The following ENTREP2 variants were observed in gnomAD, a reference collection of about 807,000 sequenced individuals.
The protein encoded by ENTREP2 is endosomal transmembrane epsin interactor 2, also known as protein ENTREP2.
At chr15:29,178,866 G>A in the ENTREP2 span, among the ~76,000 whole-genome samples, 1 of 152,172 alleles carries the variant, frequency 6.6e-6, no homozygotes, top group African/African-American at 2.4e-5. Context: ...GAAAGGTCTT[G>A]TTGAAATTAA....
chr15:29,672,150 C>T, the ENTREP2 span, among the ~76,000 whole-genome samples: 9 of 152,092 alleles, frequency 5.9e-5, no homozygotes, highest in Non-Finnish European at 1.3e-4. Flanking sequence ...CCATACCCGG[C>T]TAATTTTTTT....
the ENTREP2 span, among the ~76,000 whole-genome samples, chr15:29,557,987 A>C: frequency 6.6e-6 from 1 of 152,208 alleles, no homozygotes; most frequent in Non-Finnish European, 1.5e-5. Context: ...TATGGTTTGG[A>C]AACAGCAATA....
chr15:29,235,986 A>C, the ENTREP2 span, among the ~76,000 whole-genome samples: 22 of 56,504 alleles, frequency 3.9e-4, no homozygotes, highest in African/African-American at 6.3e-4. Context: ...CAAAACAAAA[A>C]AAAACCCAAA....
At chr15:29,590,683 C>CAAAAAAAAAAAAAAAAAAAA in the ENTREP2 span, among the ~76,000 whole-genome samples, 1 of 75,334 alleles carries the variant, frequency 1.3e-5, no homozygotes, top group Non-Finnish European at 2.4e-5. Flanking sequence ...GACTCCGTCT[C>CAAAAAAAAAAAAAAAAAAAA]AAAAAAAAAA....
the ENTREP2 span, among the ~76,000 whole-genome samples, chr15:29,423,826 T>G: frequency 6.6e-6 from 1 of 152,004 alleles, no homozygotes; most frequent in Non-Finnish European, 1.5e-5. Flanking sequence ...TTCTAAGGAC[T>G]CCGTTCACAG....
At chr15:29,569,924 G>C in the ENTREP2 span, 1 of 152,190 alleles carries the variant, frequency 6.6e-6, no homozygotes, top group Non-Finnish European at 1.5e-5. Flanking sequence ...GTTCTGGGCG[G>C]ACGCGGGAAA....
chr15:29,624,871 T>TTGTG, the ENTREP2 span, among the ~76,000 whole-genome samples: 13,276 of 143,594 alleles, frequency 0.092, 579 homozygotes, highest in South Asian at 0.13. Context: ...CTGCATTAAT[T>TTGTG]TGTGTGTGTG....
At chr15:29,630,807 C>T in the ENTREP2 span, among the ~76,000 whole-genome samples, 13 of 152,174 alleles carry the variant, frequency 8.5e-5, no homozygotes, top group Non-Finnish European at 1.8e-4. Flanking sequence ...CCTGCCTCAG[C>T]CTCCCGAGTA....
At chr15:29,398,637 T>C in the ENTREP2 span, among the ~76,000 whole-genome samples, 1 of 152,076 alleles carries the variant, frequency 6.6e-6, no homozygotes, top group African/African-American at 2.4e-5. Context: ...GGCAGGAGAA[T>C]CACTGGAACC....
At chr15:29,443,310 G>T in the ENTREP2 span, among the ~76,000 whole-genome samples, 2 of 152,270 alleles carry the variant, frequency 1.3e-5, no homozygotes, top group Middle Eastern at 3.4e-3. Context: ...GCAGTGGGAA[G>T]ACAAGGTTCC....
the ENTREP2 span, among the ~76,000 whole-genome samples, chr15:29,561,504 G>A: frequency 2.6e-5 from 4 of 152,120 alleles, no homozygotes; most frequent in South Asian, 2.1e-4. Flanking sequence ...TGGCTAACAC[G>A]GTGAAACCCC....
the ENTREP2 span, among the ~76,000 whole-genome samples, chr15:29,413,824 A>C: frequency 6.6e-6 from 1 of 152,202 alleles, no homozygotes; most frequent in Admixed American, 6.5e-5. Flanking sequence ...CAAATGGAAA[A>C]CAAAAAAAGG....
At chr15:29,617,769 C>A in the ENTREP2 span, among the ~76,000 whole-genome samples, 4 of 152,298 alleles carry the variant, frequency 2.6e-5, no homozygotes, top group East Asian at 7.8e-4. Flanking sequence ...TCAGAGAGCT[C>A]TGCAGGGTCT....
chr15:29,366,928 T>A, the ENTREP2 span, among the ~76,000 whole-genome samples: 152,216 of 152,362 alleles, frequency 1, 76,038 homozygotes, highest in Middle Eastern at 1. Flanking sequence ...GGATACAATG[T>A]ATTTATTTTT....
At chr15:29,175,295 G>A in the ENTREP2 span, among the ~76,000 whole-genome samples, 1 of 152,190 alleles carries the variant, frequency 6.6e-6, no homozygotes, top group Non-Finnish European at 1.5e-5. Flanking sequence ...TCTTGTAAGG[G>A]TAAGATTAGT....
chr15:29,443,181 G>A, the ENTREP2 span, among the ~76,000 whole-genome samples: 5 of 152,170 alleles, frequency 3.3e-5, no homozygotes, highest in African/African-American at 1.2e-4. Flanking sequence ...CCACTCCTGT[G>A]GTCACTCTTC....
chr15:29,634,365 A>C, the ENTREP2 span, among the ~76,000 whole-genome samples: 1 of 152,146 alleles, frequency 6.6e-6, no homozygotes, highest in Non-Finnish European at 1.5e-5. Flanking sequence ...GCTTGGATAT[A>C]GCCCTGCAAC....
chr15:29,444,360 G>A, the ENTREP2 span, among the ~76,000 whole-genome samples: 11 of 152,162 alleles, frequency 7.2e-5, no homozygotes, highest in African/African-American at 2.7e-4. Context: ...TATCCGTTGC[G>A]GGGTGCGGGA....
At chr15:29,564,333 G>A in the ENTREP2 span, among the ~76,000 whole-genome samples, 1 of 152,156 alleles carries the variant, frequency 6.6e-6, no homozygotes, top group African/African-American at 2.4e-5. Flanking sequence ...AGCTTTTGAT[G>A]TTATCTTTCA....
Sources: gnomAD v4.1 joint callset for allele counts (sites outside exome capture counted in the v4.1 genomes callset) on GRCh38, gnomAD v4.1.1 for gene constraint, MANE v1.5 for transcripts, NCBI Gene and HGNC (gene_info 2026-07-23, HGNC 2026-07-21) for gene names.